The following RBMS3 variants were observed in gnomAD, a reference collection of about 807,000 sequenced individuals.
The protein encoded by RBMS3 is RNA-binding motif, single-stranded-interacting protein 3.
Under a neutral mutation model 66.8 loss-of-function variants are expected in RBMS3, and 27 were observed. The ratio of observed to expected loss-of-function variants is 0.40; its 90% CI spans 0.30 to 0.56. The LOEUF is 0.56. Ranked by LOEUF, RBMS3 falls within the 20% of genes least tolerant of loss-of-function variation. The pLI, the probability that RBMS3 is intolerant of heterozygous loss-of-function variation, is 0.40. For missense variants in RBMS3, 513 were observed against 549.5 expected (o/e 0.93, Z 0.66); for synonymous variants, 188 against 183.0 (o/e 1.03, Z -0.22).
intron 12 of RBMS3, among the ~76,000 whole-genome samples, chr3:29,953,019 T>C (rs1695783921): frequency 6.6e-6 from 1 of 151,862 alleles, no homozygotes; most frequent in Non-Finnish European, 1.5e-5. Context: ...TAGTCAAACA[T>C]AGTTAAGTTC....
At chr3:29,856,487 A>G (rs2059080321) in intron 6 of RBMS3, among the ~76,000 whole-genome samples, 1 of 152,166 alleles carries the variant, frequency 6.6e-6, no homozygotes, top group Admixed American at 6.5e-5. Context: ...CTTTTGTGTT[A>G]AGGAGTTTGG....
At chr3:29,736,159 A>T (rs1278064082) in intron 4 of RBMS3, among the ~76,000 whole-genome samples, 1 of 152,162 alleles carries the variant, frequency 6.6e-6, no homozygotes, top group African/African-American at 2.4e-5. Flanking sequence ...TTTAAATTCT[A>T]TTTTCAACCA....
chr3:29,594,483 CT>C (rs2047874055), intron 4 of RBMS3, among the ~76,000 whole-genome samples: 1 of 152,140 alleles, frequency 6.6e-6, no homozygotes, highest in African/African-American at 2.4e-5. Flanking sequence ...TCTTGAATGA[CT>C]GATGCAATGT....
chr3:29,359,457 A>C (rs890109999), intron 1 of RBMS3, among the ~76,000 whole-genome samples: 13 of 152,184 alleles, frequency 8.5e-5, no homozygotes, highest in African/African-American at 2.7e-4. Context: ...CCAGTATTTT[A>C]TTGAGGATTT....
chr3:29,605,968 G>GTTTTT (rs199500576), intron 4 of RBMS3, among the ~76,000 whole-genome samples: 3 of 140,886 alleles, frequency 2.1e-5, no homozygotes, highest in African/African-American at 5.1e-5. Flanking sequence ...AAACAAGGTA[G>GTTTTT]TTTTTTTTTT....
intron 3 of RBMS3, among the ~76,000 whole-genome samples, chr3:29,570,158 TC>T (rs2046897733): frequency 6.6e-6 from 1 of 152,064 alleles, no homozygotes; most frequent in South Asian, 2.1e-4. Context: ...TTAGAAAAAA[TC>T]AATAGTCATT....
At chr3:29,967,355 A>C (rs1459671670) in intron 12 of RBMS3, among the ~76,000 whole-genome samples, 1 of 151,914 alleles carries the variant, frequency 6.6e-6, no homozygotes, top group African/African-American at 2.4e-5. Context: ...TGTTTTTGAG[A>C]CAGTCTCTGG....
intron 4 of RBMS3, among the ~76,000 whole-genome samples, chr3:29,705,215 G>T (rs1035094671): frequency 6.6e-6 from 1 of 152,180 alleles, no homozygotes; most frequent in Non-Finnish European, 1.5e-5. Context: ...GTTATCCACA[G>T]GGTGTGTCAT....
intron 3 of RBMS3, among the ~76,000 whole-genome samples, chr3:29,500,061 A>AT (rs1424129503): frequency 5.7e-5 from 8 of 141,520 alleles, no homozygotes; most frequent in South Asian, 2.2e-4. Context: ...AATGAGAAGG[A>AT]TTTTCTTTTT....
At chr3:30,000,559 A>C (rs911182741) in intron 14 of RBMS3, among the ~76,000 whole-genome samples, 2 of 152,210 alleles carry the variant, frequency 1.3e-5, no homozygotes, top group African/African-American at 4.8e-5. Flanking sequence ...AAAGGATTAT[A>C]AATCATTCTA....
chr3:29,283,023 G>A (rs926297107), intron 1 of RBMS3, among the ~76,000 whole-genome samples: 12 of 152,232 alleles, frequency 7.9e-5, no homozygotes, highest in African/African-American at 2.9e-4. Context: ...TTGTGCTGCT[G>A]ATGCTTAAAT....
chr3:29,513,531 T>C lies in RBMS3; in HGVS notation c.307+25032T>C, dbSNP rs904269197. On this transcript the variant is annotated intron_variant, in intron 3 of 14. Transcript: ENST00000383767. ...ACAAATTGCTTTCAGTTTAAAAACC[T>C]CAAAGTTCTTGACAAAGCCATAATT... Among the ~76,000 whole-genome samples the C allele has an allele frequency of 2.0e-5, 3 of 152,308 alleles. No homozygotes were observed. The East Asian group carries it at 5.8e-4, about 29-fold the overall frequency.
intron 1 of RBMS3, among the ~76,000 whole-genome samples, chr3:29,371,640 A>G (rs975347858): frequency 1.3e-5 from 2 of 152,232 alleles, no homozygotes; most frequent in Non-Finnish European, 2.9e-5. Context: ...CTGTGTTTGT[A>G]TGGGTGTTAT....
rs116474321 is a variant in RBMS3 at position 29,726,438 on chromosome 3, G to A, written c.400-13282G>A. 4.7e-3 allele frequency among the ~76,000 whole-genome samples: 712 copies of A among 152,152 alleles called. 3 individuals are homozygous for A. The highest frequency in any genetic ancestry group is 7.9e-3 in the Non-Finnish European group (538 of 67,980). ...CAAATTGTCTCTGTTTGCAGATGAC[G>A]TGATTTTATATTTAGAAAACACCAT... On this transcript the variant is annotated intron_variant, in intron 4 of 14. Coordinates refer to ENST00000383767, the MANE Select transcript of RBMS3 (RefSeq NM_001003793.3).
Position 29,586,560 on chromosome 3 carries a change from C to G in RBMS3, c.308-554C>G, listed in dbSNP as rs182948448. Among the ~76,000 whole-genome samples the G allele has an allele frequency of 1.5e-4, 23 of 152,250 alleles. No homozygotes were observed. In the East Asian group the frequency reaches 4.1e-3, roughly 27 times the overall value. ...AGACAAGATAATGGAAGAGCATGGG[C>G]TTAGTAATCAAATGGAACTAGGTTT... On this transcript the variant is annotated intron_variant, in intron 3 of 14. Transcript: ENST00000383767.
In RBMS3 at chr3:29,319,078, A is replaced by G. The variant is rs142055439; in HGVS notation, c.75+37322A>G. Among the ~76,000 whole-genome samples the G allele has an allele frequency of 2.0e-3, 311 of 152,122 alleles. 2 individuals carry two copies. Among genetic ancestry groups the G allele is most frequent in the African/African-American group, 7.1e-3 (295 of 41,546 alleles). ...GCTTCAGCAATAGAAGCTAAGGGAT[A>G]TAAGTGGTAGATGTTGAAGCTAAGG... On this transcript the variant is annotated intron_variant, in intron 1 of 14. Transcript: ENST00000383767.
intron 7 of RBMS3, among the ~76,000 whole-genome samples, chr3:29,877,852 T>C (rs2059645260): frequency 6.6e-6 from 1 of 152,176 alleles, no homozygotes; most frequent in Non-Finnish European, 1.5e-5. Flanking sequence ...AGTTTTGCTC[T>C]AGGCATATTT....
chr3:29,325,464 G>C (rs1388096124), intron 1 of RBMS3, among the ~76,000 whole-genome samples: 1 of 151,802 alleles, frequency 6.6e-6, no homozygotes, highest in Non-Finnish European at 1.5e-5. Flanking sequence ...GGAAGCCAAT[G>C]TAAGATTCAG....
intron 1 of RBMS3, among the ~76,000 whole-genome samples, chr3:29,325,176 G>A (rs2035245826): frequency 6.6e-6 from 1 of 151,958 alleles, no homozygotes; most frequent in Non-Finnish European, 1.5e-5. Context: ...AAAATATTTT[G>A]TGAAGTGAAA....
Sources: allele counts gnomAD v4.1 joint callset (sites outside exome capture counted in the v4.1 genomes callset), GRCh38; gene constraint gnomAD v4.1.1; transcripts MANE v1.5; gene names NCBI Gene and HGNC (gene_info 2026-07-23, HGNC 2026-07-21).